Variants in TULP4 observed in about 807,000 individuals in gnomAD.
The protein encoded by TULP4 is tubby-related protein 4.
TULP4 carries 16 observed loss-of-function variants against 129.0 expected under a neutral mutation model. The observed-to-expected ratio is 0.12, with a 90% CI of 0.08 to 0.19. The LOEUF is 0.19. Ranked by LOEUF, TULP4 falls within the 10% of genes least tolerant of loss-of-function variation. The pLI is 1.00. For synonymous variants in TULP4, 998 were observed against 854.0 expected, an observed-to-expected ratio of 1.17 and a Z score of -2.94; for missense variants, 1,842 against 2,059.1, an observed-to-expected ratio of 0.89 and a Z score of 2.04.
intron 6 of TULP4, among the ~76,000 whole-genome samples, chr6:158,469,191 GAC>G (rs1779617593): frequency 6.6e-6 from 1 of 152,038 alleles, no homozygotes; most frequent in Non-Finnish European, 1.5e-5. Flanking sequence ...GTGGAAGAGA[GAC>G]ACAGAGTTCA....
rs921662158 is a variant in TULP4, at chr6:158,503,699, G to A, written c.4036G>A (p.Glu1346Lys). 5 of 1,613,914 alleles carry A rather than the reference G, an allele frequency of 3.1e-6. No individual in the cohort carries two copies. In the African/African-American group the frequency reaches 6.7e-5, roughly 22 times the overall value. Residue 1346 changes from glutamate to lysine, a missense_variant, in exon 13 of 14, where the codon GAA becomes AAA. By Grantham distance (56) the Glu-to-Lys change is moderately conservative. Coordinates refer to ENST00000367097, the MANE Select transcript of TULP4 (RefSeq NM_020245.5). This position sits in a 1 kb window ranked among gnomAD's most constrained non-coding sequence, Gnocchi z 4.3. Reference sequence around the variant, plus strand: ...CCGGAAGCGCCTGGACAGCCGAGCAGAAGAAGGCAGCGTTCAGGCCATCAC... The same window carrying A: ...CCGGAAGCGCCTGGACAGCCGAGCAAAAGAAGGCAGCGTTCAGGCCATCAC... ...KNRKRLDSRAEEGSVQAITEG... is the reference protein window; with the variant it reads ...KNRKRLDSRAKEGSVQAITEG...
intron 1 of TULP4, among the ~76,000 whole-genome samples, chr6:158,365,515 T>G (rs536098868): frequency 7.9e-5 from 12 of 151,360 alleles, no homozygotes; most frequent in Non-Finnish European, 1.2e-4. Flanking sequence ...CTTGCTCTGT[T>G]GCCCAGGCTG....
At position 158,511,828 on chromosome 6, in the gene TULP4, A is replaced by G. The variant is rs1464723706; in HGVS notation, c.*5134A>G. ...TTAATAAAATTTTGCAGATCAAAAA[A>G]GTTGTGTGCAGAATTCTTGAGCCTT... is the stretch of plus-strand genomic sequence containing the variant. On this transcript the variant is annotated 3_prime_UTR_variant, in exon 14 of 14. Transcript: ENST00000367097. 1.3e-5 allele frequency: 2 copies of G among 152,200 alleles called. No homozygotes were observed. Among genetic ancestry groups the G allele is most frequent in the Admixed American group, 1.3e-4 (2 of 15,278 alleles). 9.4% of individuals were successfully genotyped at this position (152,200 alleles called of 1,614,324 possible).
At chr6:158,382,289 G>A (rs1777345185) in intron 1 of TULP4, among the ~76,000 whole-genome samples, 1 of 152,150 alleles carries the variant, frequency 6.6e-6, no homozygotes, top group Non-Finnish European at 1.5e-5. Flanking sequence ...GGGTCCCTGT[G>A]CCTGCTGACA....
intron 2 of TULP4, among the ~76,000 whole-genome samples, chr6:158,426,887 T>G (rs149815071): frequency 1.6e-3 from 238 of 152,342 alleles, no homozygotes; most frequent in Non-Finnish European, 3.2e-3. Flanking sequence ...GTGTCATCTC[T>G]GATTTCTTTG....
At position 158,449,022 on chromosome 6, in the gene TULP4, G is replaced by A. The variant is rs768079047; in HGVS notation, c.570G>A (p.Gln190=). 1.9e-6 allele frequency: 3 copies of A among 1,613,304 alleles called. No homozygotes were observed. The highest frequency in any genetic ancestry group is 3.3e-5 in the Admixed American group (2 of 60,002). Residue 190 remains glutamine (Q), a synonymous_variant, in exon 4 of 14, where the codon CAG becomes CAA. Transcript: ENST00000367097. The part of the protein sequence containing the change: ...QQVLFGTADG[Q]VIVMDCHGRM... ...TGCTGTTTGGCACGGCCGATGGGCA[G>A]GTGATTGTCATGGATTGCCACGGCA... is the stretch of plus-strand genomic sequence containing the variant.
rs776135562 is a variant in TULP4, at chr6:158,503,412, G to A, written c.3749G>A (p.Cys1250Tyr). The A allele has an allele frequency of 3.7e-6, 6 of 1,613,802 alleles. No homozygotes were observed. Among genetic ancestry groups the A allele is most frequent in the Non-Finnish European group, 4.2e-6 (5 of 1,180,028 alleles). Residue 1250 changes from cysteine (C) to tyrosine (Y), a missense_variant, in exon 13 of 14, where the codon TGC (cysteine) becomes TAC (tyrosine). Transcript: ENST00000367097. The surrounding 1 kb of genome is among the most constrained non-coding windows in gnomAD (Gnocchi z 4.3). ...CCCATGTACCCAGGAAGCAGCACGTGCTCTAGTTTACAGCTGCCACCTGTC... is the reference window on the plus strand; with the variant it reads ...CCCATGTACCCAGGAAGCAGCACGTACTCTAGTTTACAGCTGCCACCTGTC... ...LPPMYPGSSTCSSLQLPPVAL... is the reference protein window; with the variant it reads ...LPPMYPGSSTYSSLQLPPVAL...
chr6:158,452,366 C>T (rs999710833), intron 5 of TULP4, 98 bp downstream of exon 5: 18 of 1,481,804 alleles, frequency 1.2e-5, no homozygotes, highest in Non-Finnish European at 1.5e-5. Context: ...GATTCCTGTC[C>T]TCTGTGGTGA....
rs963915299 is a variant in TULP4 at position 158,412,926 on chromosome 6, C to A, written c.253-139C>A. The A allele has an allele frequency of 4.0e-6, 5 of 1,235,792 alleles. No homozygotes were observed. In the African/African-American group the frequency reaches 6.1e-5, roughly 15 times the overall value. 76.6% of individuals were successfully genotyped at this position (1,235,792 alleles called of 1,614,324 possible). A position where few individuals can be genotyped will look rare whatever the true frequency, so the allele number is the denominator to read the frequency against. The stretch of plus-strand genomic sequence containing the variant: ...TCGTGTGAGCTCTGTCTGTTCCCTG[C>A]CCTGATCCCTGCATTCGCCCCCAGT... On this transcript the variant is annotated intron_variant, in intron 1 of 13. Coordinates refer to ENST00000367097, the MANE Select transcript of TULP4 (RefSeq NM_020245.5).
intron 1 of TULP4, among the ~76,000 whole-genome samples, chr6:158,244,083 G>A (rs946865684): frequency 1.3e-5 from 2 of 152,078 alleles, no homozygotes; most frequent in African/African-American, 2.4e-5. Context: ...TTTAGCATAC[G>A]TGGTGTGTTT....
chr6:158,366,843 C>T (rs1036912599), intron 1 of TULP4, among the ~76,000 whole-genome samples: 6 of 152,142 alleles, frequency 3.9e-5, no homozygotes, highest in Non-Finnish European at 8.8e-5. Flanking sequence ...CTCAAGGTCC[C>T]GTCCAGCTCC....
rs773575161 is a variant in TULP4 at position 158,503,497 on chromosome 6, T to C, written c.3834T>C (p.Thr1278=). Residue 1278 remains threonine (T), a synonymous_variant, in exon 13 of 14, where the codon ACT becomes ACC. Transcript: ENST00000367097. This position sits in a 1 kb window ranked among gnomAD's most constrained non-coding sequence, Gnocchi z 4.3. ...CGCCCATGCAGAACCCCCAGGGCAC[T>C]CTCCCCCCAAAGCCACACTTGGTGG... ...ACPPMQNPQG[T]LPPKPHLVVE... The C allele has an allele frequency of 4.3e-6, 7 of 1,613,720 alleles. No individual in the cohort carries two copies. Among genetic ancestry groups the C allele is most frequent in the South Asian group, 1.1e-5 (1 of 91,050 alleles).
intron 1 of TULP4, among the ~76,000 whole-genome samples, chr6:158,335,005 C>T (rs1054849474): frequency 6.6e-6 from 1 of 152,116 alleles, no homozygotes. Flanking sequence ...TGGTCAGGTA[C>T]AGTGGCTCAG....
upstream of TULP4, among the ~76,000 whole-genome samples, chr6:158,308,641 C>A (rs1288414973): frequency 8.8e-5 from 13 of 148,212 alleles, no homozygotes; most frequent in African/African-American, 3.2e-4. Flanking sequence ...CTGACCCCCC[C>A]ACCTCCCTCT....
chr6:158,253,011 C>T (rs9348206), intron 1 of TULP4, among the ~76,000 whole-genome samples: 49,961 of 152,082 alleles, frequency 0.33, 9,189 homozygotes, highest in Admixed American at 0.45. Flanking sequence ...GAAGCTTACG[C>T]GTTGGCAGGG....
chr6:158,378,494 T>TG (rs1777249735), intron 1 of TULP4, among the ~76,000 whole-genome samples: 1 of 40,148 alleles, frequency 2.5e-5, no homozygotes, highest in Admixed American at 3.0e-4. Context: ...TTGGTGGGGG[T>TG]GGGGGTGGGA....
chr6:158,292,347 C>T (rs1270862925), intron 1 of TULP4, among the ~76,000 whole-genome samples: 1 of 152,168 alleles, frequency 6.6e-6, no homozygotes, highest in Non-Finnish European at 1.5e-5. Flanking sequence ...CTATTGGTCA[C>T]CCTAATTCCG....
At chr6:158,442,614 A>G (rs1015218110) in intron 3 of TULP4, among the ~76,000 whole-genome samples, 10 of 152,146 alleles carry the variant, frequency 6.6e-5, no homozygotes, top group African/African-American at 9.7e-5. Flanking sequence ...ATATAGGGCT[A>G]TATTCCTGAA....
intron 13 of TULP4, among the ~76,000 whole-genome samples, chr6:158,504,593 T>G (rs1780555619): frequency 6.6e-6 from 1 of 151,652 alleles, no homozygotes; most frequent in African/African-American, 2.4e-5. Context: ...CCTGACCTCG[T>G]GATCTGCCCG....
Sources: allele counts gnomAD v4.1 joint callset (sites outside exome capture counted in the v4.1 genomes callset), GRCh38; gene constraint gnomAD v4.1.1; non-coding constraint Gnocchi (gnomAD v3.1); transcripts MANE v1.5; gene names NCBI Gene and HGNC (gene_info 2026-07-23, HGNC 2026-07-21).